The following DRC11 variants were observed in gnomAD, a reference collection of about 807,000 sequenced individuals.
DRC11 encodes the protein dynein regulatory complex subunit 11, also known as IQ and AAA domain-containing protein 1.
the DRC11 span, among the ~76,000 whole-genome samples, chr2:236,405,280 G>A: frequency 6.6e-6 from 1 of 151,980 alleles, no homozygotes; most frequent in East Asian, 1.9e-4. This position sits in a 1 kb window ranked among gnomAD's most constrained non-coding sequence, Gnocchi z 4.6. Flanking sequence ...CAGGTGGGAG[G>A]AGAAGTGCGT....
chr2:236,318,980 A>G, the DRC11 span, among the ~76,000 whole-genome samples: 1 of 152,296 alleles, frequency 6.6e-6, no homozygotes, highest in South Asian at 2.1e-4. This position sits in a 1 kb window ranked among gnomAD's most constrained non-coding sequence, Gnocchi z 7.0. Flanking sequence ...ACAGACGTGC[A>G]GGGCACCCCC....
the DRC11 span, among the ~76,000 whole-genome samples, chr2:236,393,603 G>A: frequency 9.2e-5 from 14 of 152,204 alleles, no homozygotes; most frequent in Non-Finnish European, 2.1e-4. The surrounding 1 kb of genome is among the most constrained non-coding windows in gnomAD (Gnocchi z 4.7). Flanking sequence ...GGAAGGAGGG[G>A]TTGAGTCTCT....
the DRC11 span, among the ~76,000 whole-genome samples, chr2:236,495,704 C>T: frequency 6.6e-6 from 1 of 152,230 alleles, no homozygotes; most frequent in South Asian, 2.1e-4. This position sits in a 1 kb window ranked among gnomAD's most constrained non-coding sequence, Gnocchi z 5.6. Flanking sequence ...GGGTTGTGGC[C>T]AAGAATGAAG....
chr2:236,368,271 C>T, the DRC11 span: 99 of 1,605,326 alleles, frequency 6.2e-5, no homozygotes, highest in Admixed American at 1.3e-3. Flanking sequence ...GGACACCTGG[C>T]GAAGAGTAGT....
At chr2:236,444,563 C>T in the DRC11 span, among the ~76,000 whole-genome samples, 1 of 152,216 alleles carries the variant, frequency 6.6e-6, no homozygotes, top group Admixed American at 6.5e-5. Context: ...GAGCCATTCC[C>T]TTGGCCACTG....
chr2:236,387,013 C>T, the DRC11 span, among the ~76,000 whole-genome samples: 1 of 151,094 alleles, frequency 6.6e-6, no homozygotes, highest in Non-Finnish European at 1.5e-5. Flanking sequence ...TTTGATTGCA[C>T]TGTGGTCTGA....
chr2:236,488,315 G>A, the DRC11 span: 1 of 609,718 alleles, frequency 1.6e-6, no homozygotes, highest in South Asian at 2.6e-5. Flanking sequence ...GATCATGAGT[G>A]TGAGAACCGC....
At chr2:236,309,375 C>A in the DRC11 span, among the ~76,000 whole-genome samples, 1 of 152,066 alleles carries the variant, frequency 6.6e-6, no homozygotes, top group Non-Finnish European at 1.5e-5. The surrounding 1 kb of genome is among the most constrained non-coding windows in gnomAD (Gnocchi z 5.7). Flanking sequence ...CAAGTCTAGC[C>A]CATCCCGAGA....
At chr2:236,455,585 G>A in the DRC11 span, among the ~76,000 whole-genome samples, 4 of 152,234 alleles carry the variant, frequency 2.6e-5, no homozygotes, top group African/African-American at 4.8e-5. This position sits in a 1 kb window ranked among gnomAD's most constrained non-coding sequence, Gnocchi z 5.7. Flanking sequence ...GAGTATGGTC[G>A]CTCTCGCTAT....
the DRC11 span, among the ~76,000 whole-genome samples, chr2:236,459,609 GTATATAAGTATATACATACGTA>G: frequency 9.2e-6 from 1 of 108,114 alleles, no homozygotes; most frequent in African/African-American, 3.6e-5. Flanking sequence ...ACATATATAC[GTATATAAGTATATACATACGTA>G]TATACGTATA....
the DRC11 span, among the ~76,000 whole-genome samples, chr2:236,344,250 G>A: frequency 6.6e-6 from 1 of 152,204 alleles, no homozygotes; most frequent in African/African-American, 2.4e-5. Context: ...TAACTCCTAT[G>A]TGTGCCATTT....
chr2:236,414,579 G>A, the DRC11 span, among the ~76,000 whole-genome samples: 42 of 152,118 alleles, frequency 2.8e-4, no homozygotes, highest in African/African-American at 1.0e-3. Context: ...TCCTGACCAA[G>A]CCTCCCAAAG....
At chr2:236,419,250 T>C in the DRC11 span, 2 of 1,542,752 alleles carry the variant, frequency 1.3e-6, no homozygotes, top group Non-Finnish European at 1.7e-6. This position sits in a 1 kb window ranked among gnomAD's most constrained non-coding sequence, Gnocchi z 4.8. Context: ...TCCTCTTGGT[T>C]TGCTATGATA....
chr2:236,351,425 T>TG, the DRC11 span, among the ~76,000 whole-genome samples: 1 of 152,234 alleles, frequency 6.6e-6, no homozygotes, highest in South Asian at 2.1e-4. The surrounding 1 kb of genome is among the most constrained non-coding windows in gnomAD (Gnocchi z 7.3). Context: ...GCACCCTTCC[T>TG]GGGCCAGGAG....
the DRC11 span, among the ~76,000 whole-genome samples, chr2:236,347,654 A>G: frequency 4.0e-5 from 6 of 151,818 alleles, no homozygotes; most frequent in Non-Finnish European, 8.8e-5. Flanking sequence ...GTACGTTCTC[A>G]CTAGGACGCG....
the DRC11 span, among the ~76,000 whole-genome samples, chr2:236,358,313 A>G: frequency 7.5e-6 from 1 of 133,316 alleles, no homozygotes; most frequent in East Asian, 2.1e-4. Context: ...ATATATAGAT[A>G]TATACTATAT....
At chr2:236,504,198 G>T in the DRC11 span, among the ~76,000 whole-genome samples, 1 of 145,094 alleles carries the variant, frequency 6.9e-6, no homozygotes, top group African/African-American at 2.8e-5. The surrounding 1 kb of genome is among the most constrained non-coding windows in gnomAD (Gnocchi z 5.0). Context: ...TTACACGGCG[G>T]TGGGGGGGGG....
chr2:236,427,091 G>T, the DRC11 span, among the ~76,000 whole-genome samples: 1 of 152,034 alleles, frequency 6.6e-6, no homozygotes, highest in Non-Finnish European at 1.5e-5. The surrounding 1 kb of genome is among the most constrained non-coding windows in gnomAD (Gnocchi z 5.9). Flanking sequence ...GATTGATTTG[G>T]ATAGGCTGAA....
At chr2:236,471,931 G>T in the DRC11 span, among the ~76,000 whole-genome samples, 47 of 152,304 alleles carry the variant, frequency 3.1e-4, 1 homozygote, top group East Asian at 8.1e-3. This position sits in a 1 kb window ranked among gnomAD's most constrained non-coding sequence, Gnocchi z 4.6. Context: ...GGGCTCAGGG[G>T]ACAAACAGGA....
Sources: gnomAD v4.1 joint callset for allele counts (sites outside exome capture counted in the v4.1 genomes callset) on GRCh38, gnomAD v4.1.1 for gene constraint, Gnocchi (gnomAD v3.1) non-coding constraint, MANE v1.5 for transcripts, NCBI Gene and HGNC (gene_info 2026-07-23, HGNC 2026-07-21) for gene names.